Variants in KLHL29 observed in about 807,000 individuals in gnomAD.
KLHL29 encodes the protein kelch-like protein 29.
A neutral mutation model predicts 80.4 loss-of-function variants in KLHL29; 21 were observed. The observed-to-expected ratio is 0.26, with a 90% CI of 0.19 to 0.38. The LOEUF (loss-of-function observed/expected upper bound fraction) is 0.38. Ranked by LOEUF, KLHL29 falls within the 10% of genes least tolerant of loss-of-function variation. The pLI is 1.00. For missense variants in KLHL29, 867 were observed against 1,223.9 expected (o/e 0.71, Z 4.35); for synonymous variants, 511 against 526.8 (o/e 0.97, Z 0.41).
At chr2:23,573,383 AATT>A (rs1188753063) in intron 3 of KLHL29, among the ~76,000 whole-genome samples, 2 of 152,306 alleles carry the variant, frequency 1.3e-5, no homozygotes, top group Admixed American at 1.3e-4. Context: ...CTCTCCGAGT[AATT>A]ATTATTAGCA....
chr2:23,528,749 T>C (rs1666404355), intron 2 of KLHL29, among the ~76,000 whole-genome samples: 1 of 152,212 alleles, frequency 6.6e-6, no homozygotes, highest in Non-Finnish European at 1.5e-5. Flanking sequence ...ATATTACCCT[T>C]TGGACACACG....
At chr2:23,491,905 A>G (rs1241203780) in intron 2 of KLHL29, among the ~76,000 whole-genome samples, 2 of 152,092 alleles carry the variant, frequency 1.3e-5, no homozygotes, top group Non-Finnish European at 2.9e-5. Flanking sequence ...GCCTCCACGT[A>G]CTACAGGCTG....
intron 12 of KLHL29, 142 bp downstream of exon 12, chr2:23,703,521 C>A (rs1274241610): frequency 1.4e-5 from 15 of 1,062,198 alleles, no homozygotes; most frequent in Non-Finnish European, 1.8e-5. Context: ...AGTTGCCGAG[C>A]CCCCAGCTCA....
rs1572403562 is a variant in KLHL29, at chr2:23,563,733, G to A, written c.285+1252G>A. ...TGAGTGTTGCCGGCCACAGAGCCTG[G>A]CAGAGGCTGAGACAATGGAGCTATT... On this transcript the variant is annotated intron_variant, in intron 3 of 13. Coordinates refer to ENST00000486442, the MANE Select transcript of KLHL29 (RefSeq NM_052920.2). 3.3e-5 allele frequency among the ~76,000 whole-genome samples: 5 copies of A among 152,352 alleles called. 1 individual carries two copies. The highest frequency in any genetic ancestry group is 3.3e-4 in the Admixed American group (5 of 15,308).
chr2:23,604,602 A>G (rs989051082), intron 3 of KLHL29, among the ~76,000 whole-genome samples: 1 of 152,064 alleles, frequency 6.6e-6, no homozygotes, highest in Admixed American at 6.5e-5. Context: ...TGGTTCTGAC[A>G]CTACCATGTC....
At chr2:23,423,870 T>C (rs11673951) in intron 1 of KLHL29, among the ~76,000 whole-genome samples, 76,581 of 152,100 alleles carry the variant, frequency 0.5, 21,288 homozygotes, top group African/African-American at 0.76. Context: ...GCAGTGTGTC[T>C]TTCTCCCTGA....
chr2:23,405,600 C>T (rs1666705536), intron 1 of KLHL29, among the ~76,000 whole-genome samples: 1 of 152,166 alleles, frequency 6.6e-6, no homozygotes. Context: ...TTGTCCATGC[C>T]TTCCCCAACC....
In KLHL29 at chr2:23,436,280, T is replaced by TTGTGTGTGTGTG. The variant is rs57931176; in HGVS notation, c.-153-39240_-153-39229dup. Among the ~76,000 whole-genome samples, 229 of 137,024 alleles carry TTGTGTGTGTGTG rather than the reference T, an allele frequency of 1.7e-3. 1 individual carries two copies. The highest frequency in any genetic ancestry group is 2.4e-3 in the African/African-American group (87 of 36,194). The allele number at this position is 137,024 out of a possible 152,430, so 89.9% of individuals were successfully genotyped here. A position where few individuals can be genotyped will look rare whatever the true frequency, so the allele number is the denominator to read the frequency against. The stretch of plus-strand genomic sequence containing the variant: ...AAGAGAAGTAAATAGCCAATCAGCT[T>TTGTGTGTGTGTG]TGTGTGTGTGTGTGTGTGTGTGTGT... On this transcript the variant is annotated intron_variant, in intron 1 of 13. Transcript: ENST00000486442.
Position 23,581,159 on chromosome 2 carries a change from T to TG in KLHL29, c.285+18678_285+18679insG, listed in dbSNP as rs530328778. Among the ~76,000 whole-genome samples, 228 of 152,138 alleles carry TG rather than the reference T, an allele frequency of 1.5e-3. 1 individual carries two copies. The highest frequency in any genetic ancestry group is 5.1e-3 in the African/African-American group (212 of 41,494). ...GTGTAGCATTTAAACAATGACATCT[T>TG]CTGGTTTCTCCATGTTCTTCTGAGG... On this transcript the variant is annotated intron_variant, in intron 3 of 13. Coordinates refer to ENST00000486442, the MANE Select transcript of KLHL29 (RefSeq NM_052920.2).
In KLHL29 at chr2:23,670,910, TGCAC is replaced by T. The variant is rs1317511193; in HGVS notation, c.941-13486_941-13483del. Reference sequence around the variant, plus strand: ...GAGAAGGGAGGGGTCTCTACACACATGCACGCGCTCTCTCTCTCTCTCTCTCTCT... The same window carrying T: ...GAGAAGGGAGGGGTCTCTACACACATGCGCTCTCTCTCTCTCTCTCTCTCT... On this transcript the variant is annotated intron_variant, in intron 5 of 13. Transcript: ENST00000486442. Among the ~76,000 whole-genome samples the T allele has an allele frequency of 3.4e-4, 6 of 17,462 alleles. No homozygotes were observed. In the East Asian group the frequency reaches 8.5e-3, roughly 25 times the overall value. The allele number at this position is 17,462 out of a possible 152,430, so 11.5% of individuals were successfully genotyped here.
intron 1 of KLHL29, among the ~76,000 whole-genome samples, chr2:23,386,104 C>T (rs1666174601): frequency 6.6e-6 from 1 of 152,088 alleles, no homozygotes; most frequent in Admixed American, 6.5e-5. Flanking sequence ...GACCCCTGGC[C>T]GGAGCAGCCC....
At position 23,644,636 on chromosome 2, in the gene KLHL29, G is replaced by A. The variant is rs557982515; in HGVS notation, c.940+1786G>A. ...ATGAGATCAGAAAGACACAGGTGGC[G>A]GGGACAGGACCCTGCAGGACTTCTG... On this transcript the variant is annotated intron_variant, in intron 5 of 13. Transcript: ENST00000486442. 5.3e-5 allele frequency among the ~76,000 whole-genome samples: 8 copies of A among 152,354 alleles called. No individual in the cohort carries two copies. In the South Asian group the frequency reaches 6.2e-4, roughly 12 times the overall value.
intron 1 of KLHL29, among the ~76,000 whole-genome samples, chr2:23,433,882 G>A (rs970906186): frequency 2.0e-5 from 3 of 152,118 alleles, no homozygotes; most frequent in Admixed American, 6.5e-5. Context: ...TCACACCACC[G>A]CACTCCAGCC....
chr2:23,514,511 A>G (rs1353394232), intron 2 of KLHL29, among the ~76,000 whole-genome samples: 4 of 152,198 alleles, frequency 2.6e-5, no homozygotes, highest in African/African-American at 7.2e-5. Flanking sequence ...CATCCTGACG[A>G]GTGCCCTGAC....
rs77479177 is a variant in KLHL29, at chr2:23,583,386, G to A, written c.285+20905G>A. Among the ~76,000 whole-genome samples the A allele has an allele frequency of 5.8e-3, 885 of 152,334 alleles. 7 individuals are homozygous for A. Among genetic ancestry groups the A allele is most frequent in the African/African-American group, 0.019 (786 of 41,574 alleles). ...AGCAGCAGGCTGACCTGCTGACCTC[G>A]TCTCTGCTGAGTTGAAATGAAACAC... On this transcript the variant is annotated intron_variant, in intron 3 of 13. Transcript: ENST00000486442.
intron 3 of KLHL29, among the ~76,000 whole-genome samples, chr2:23,576,551 T>C (rs914212093): frequency 3.9e-5 from 6 of 152,164 alleles, no homozygotes; most frequent in East Asian, 3.8e-4. Context: ...TTGTAAATAA[T>C]TGAGGAAGAA....
intron 5 of KLHL29, among the ~76,000 whole-genome samples, chr2:23,661,142 A>C (rs1440776602): frequency 6.6e-6 from 1 of 152,158 alleles, no homozygotes; most frequent in Non-Finnish European, 1.5e-5. Context: ...GGAGTTTAAG[A>C]GCAGCCTGGG....
chr2:23,610,635 A>C (rs1668835542), intron 3 of KLHL29, among the ~76,000 whole-genome samples: 2 of 152,314 alleles, frequency 1.3e-5, no homozygotes, highest in South Asian at 4.1e-4. Flanking sequence ...CCATCACTCC[A>C]GACTTGTCCT....
chr2:23,447,345 G>A (rs962107070), intron 1 of KLHL29, among the ~76,000 whole-genome samples: 3 of 152,118 alleles, frequency 2.0e-5, no homozygotes, highest in East Asian at 1.9e-4. Context: ...ACACCACCTC[G>A]AGGAGGCCTT....
Sources: gnomAD v4.1 joint callset for allele counts (sites outside exome capture counted in the v4.1 genomes callset) on GRCh38, gnomAD v4.1.1 for gene constraint, MANE v1.5 for transcripts, NCBI Gene and HGNC (gene_info 2026-07-23, HGNC 2026-07-21) for gene names.